The following MSRA variants were observed in gnomAD, a reference collection of about 807,000 sequenced individuals.
MSRA encodes methionine sulfoxide reductase A.
A neutral mutation model predicts 31.3 loss-of-function variants in MSRA; 54 were observed. The ratio of observed to expected loss-of-function variants is 1.73; its 90% CI spans 1.39 to 2.17. The LOEUF is 2.17. MSRA is among the 30% of genes most tolerant of loss of function. The probability of loss-of-function intolerance (pLI) is 0.00; values close to 1 mark genes in which losing one functional copy is unlikely to be tolerated. For missense variants in MSRA, 507 were observed against 300.9 expected (o/e 1.69, Z -5.07); for synonymous variants, 169 against 116.5 (o/e 1.45, Z -2.90).
At chr8:10,135,054 G>A (rs946066352) in intron 1 of MSRA, among the ~76,000 whole-genome samples, 1 of 152,242 alleles carries the variant, frequency 6.6e-6, no homozygotes, top group African/African-American at 2.4e-5. Flanking sequence ...AGGTGAAGAG[G>A]AAGCTGGTGT....
intron 5 of MSRA, among the ~76,000 whole-genome samples, chr8:10,366,697 G>C (rs1208090820): frequency 6.6e-6 from 1 of 152,160 alleles, no homozygotes; most frequent in Admixed American, 6.5e-5. Context: ...TTCGTTGCTG[G>C]GGACGTCTGT....
At chr8:10,347,944 T>C (rs982178398) in intron 5 of MSRA, among the ~76,000 whole-genome samples, 5 of 152,224 alleles carry the variant, frequency 3.3e-5, no homozygotes, top group African/African-American at 1.2e-4. Context: ...GATGTCTTCT[T>C]TCCCTTACTG....
At chr8:10,272,546 G>A (rs1250960194) in intron 3 of MSRA, among the ~76,000 whole-genome samples, 2 of 152,132 alleles carry the variant, frequency 1.3e-5, no homozygotes, top group African/African-American at 2.4e-5. Flanking sequence ...CCGCTTTACC[G>A]GGTCTACGGA....
At chr8:10,226,718 T>G (rs913404745) in intron 2 of MSRA, among the ~76,000 whole-genome samples, 5 of 151,842 alleles carry the variant, frequency 3.3e-5, no homozygotes, top group African/African-American at 9.7e-5. Context: ...TTTGTTTGTT[T>G]GTTTGTTTGT....
At chr8:10,260,497 C>G (rs1398861681) in intron 3 of MSRA, among the ~76,000 whole-genome samples, 1 of 152,164 alleles carries the variant, frequency 6.6e-6, no homozygotes, top group Non-Finnish European at 1.5e-5. Flanking sequence ...AGTTGACAGG[C>G]ACAGATGGAC....
At chr8:10,288,370 T>C (rs1033021585) in intron 3 of MSRA, among the ~76,000 whole-genome samples, 4 of 152,178 alleles carry the variant, frequency 2.6e-5, no homozygotes, top group Non-Finnish European at 5.9e-5. Context: ...CCCCTTGAAG[T>C]GACACCACCC....
chr8:10,172,818 G>A (rs756788605), intron 1 of MSRA, among the ~76,000 whole-genome samples: 3 of 152,134 alleles, frequency 2.0e-5, no homozygotes, highest in Non-Finnish European at 2.9e-5. Context: ...TCATTTGTTG[G>A]GCCATGCATA....
chr8:10,289,304 C>T (rs1800106326), intron 3 of MSRA, among the ~76,000 whole-genome samples: 2 of 152,106 alleles, frequency 1.3e-5, no homozygotes, highest in South Asian at 2.1e-4. Flanking sequence ...TGAGCCACTG[C>T]ACCCAGCCTT....
intron 1 of MSRA, among the ~76,000 whole-genome samples, chr8:10,188,676 TG>T (rs1337286727): frequency 6.6e-6 from 1 of 152,214 alleles, no homozygotes; most frequent in African/African-American, 2.4e-5. Flanking sequence ...CTTTCCTGAT[TG>T]AATTATCTCA....
At chr8:10,259,350 T>G (rs940126205) in intron 3 of MSRA, among the ~76,000 whole-genome samples, 1 of 152,102 alleles carries the variant, frequency 6.6e-6, no homozygotes, top group African/African-American at 2.4e-5. Flanking sequence ...TCTGTAAATA[T>G]CGAGCCTATA....
intron 1 of MSRA, among the ~76,000 whole-genome samples, chr8:10,111,960 G>T (rs1301449184): frequency 4.6e-5 from 7 of 152,192 alleles, no homozygotes; most frequent in African/African-American, 1.7e-4. Flanking sequence ...CTGATGTTGG[G>T]TTTTTGTGGC....
At chr8:10,321,484 C>G (rs781344305) in intron 5 of MSRA, among the ~76,000 whole-genome samples, 9 of 152,078 alleles carry the variant, frequency 5.9e-5, no homozygotes, top group Non-Finnish European at 1.2e-4. Context: ...CCTCCCACCT[C>G]CCTCCCAGGG....
Position 10,150,031 on chromosome 8 carries a change from C to T in MSRA, c.143-57802C>T, listed in dbSNP as rs146581287. On this transcript the variant is annotated intron_variant, in intron 1 of 5. Coordinates refer to ENST00000317173, the MANE Select transcript of MSRA (RefSeq NM_012331.5). ...TTCTTACACTGGGATTGCAGTTGCT[C>T]TGTTGGATTGGGGAAAAAGTGTCCT... 5.4e-3 allele frequency among the ~76,000 whole-genome samples: 795 copies of T among 146,364 alleles called. 4 individuals are homozygous for T. The highest frequency in any genetic ancestry group is 8.4e-3 in the Non-Finnish European group (565 of 67,096).
At chr8:10,223,733 G>A (rs1810731560) in intron 2 of MSRA, among the ~76,000 whole-genome samples, 1 of 152,106 alleles carries the variant, frequency 6.6e-6, no homozygotes, top group Admixed American at 6.5e-5. Context: ...AAATTGTAGG[G>A]GTGTAGTTAA....
chr8:10,206,698 G>T (rs1312505597), intron 1 of MSRA, among the ~76,000 whole-genome samples: 1 of 152,214 alleles, frequency 6.6e-6, no homozygotes, highest in Non-Finnish European at 1.5e-5. Context: ...TCGGACTCCA[G>T]GAGTGGCAGC....
chr8:10,273,510 C>A (rs1369996064), intron 3 of MSRA, among the ~76,000 whole-genome samples: 3 of 152,056 alleles, frequency 2.0e-5, no homozygotes, highest in Non-Finnish European at 4.4e-5. Context: ...AATTACTGTT[C>A]ATAAAGTACT....
chr8:10,294,843 G>A (rs576115999), intron 3 of MSRA, among the ~76,000 whole-genome samples: 3 of 152,124 alleles, frequency 2.0e-5, no homozygotes, highest in South Asian at 4.2e-4. Flanking sequence ...GGAACCCTGA[G>A]CACCGGGACC....
chr8:10,390,372 C>T (rs529179792), intron 5 of MSRA, among the ~76,000 whole-genome samples: 181 of 152,148 alleles, frequency 1.2e-3, no homozygotes, highest in Non-Finnish European at 2.3e-3. Flanking sequence ...ACTGGAGTCG[C>T]GTGGTCGCCA....
intron 1 of MSRA, among the ~76,000 whole-genome samples, chr8:10,191,880 A>G (rs1237774846): frequency 1.3e-5 from 2 of 152,180 alleles, no homozygotes; most frequent in African/African-American, 4.8e-5. Flanking sequence ...AAAACTTAGC[A>G]GTTTAAAACA....
Sources: allele counts gnomAD v4.1 joint callset (sites outside exome capture counted in the v4.1 genomes callset), GRCh38; gene constraint gnomAD v4.1.1; transcripts MANE v1.5; gene names NCBI Gene and HGNC (gene_info 2026-07-23, HGNC 2026-07-21).